Variants in THADA observed in about 807,000 individuals in gnomAD.
THADA encodes the protein tRNA (32-2'-O)-methyltransferase regulator THADA.
THADA carries 213 observed loss-of-function variants against 219.8 expected under a neutral mutation model. That is an observed-to-expected ratio of 0.97 (90% CI 0.87 to 1.09). The LOEUF (loss-of-function observed/expected upper bound fraction) is 1.09. Among genes scored for constraint, THADA ranks in the 50% least tolerant of loss-of-function variants. THADA has a pLI of 0.00. For synonymous variants in THADA, 1,018 were observed against 828.9 expected, an observed-to-expected ratio of 1.23 and a Z score of -3.92; for missense variants, 2,956 against 2,311.3, an observed-to-expected ratio of 1.28 and a Z score of -5.72.
Position 43,574,727 on chromosome 2 carries a change from T to A in THADA, c.1338A>T (p.Arg446=), listed in dbSNP as rs1425604241. 2.5e-6 allele frequency: 4 copies of A among 1,613,910 alleles called. No homozygotes were observed. The African/African-American group carries it at 5.3e-5, about 22-fold the overall frequency. The change falls in exon 11 of 38, where the codon CGA becomes CGT. Residue 446 remains arginine (R), a synonymous_variant. Coordinates refer to ENST00000405975, the MANE Select transcript of THADA (RefSeq NM_022065.5). ...FFVELTESLL[R]LEWHIKGKYT... Reference sequence around the variant, plus strand: ...ACTTTCCTTTAATATGCCATTCCAATCGTAAAAGACTCTCAGTCAATTCCA... The same window carrying A: ...ACTTTCCTTTAATATGCCATTCCAAACGTAAAAGACTCTCAGTCAATTCCA...
rs1031734203 is a variant in THADA at position 43,467,515 on chromosome 2, C to T, written c.3836+17719G>A. Among the ~76,000 whole-genome samples, 64 of 152,234 alleles carry T rather than the reference C, an allele frequency of 4.2e-4. 1 individual carries two copies. The highest frequency in any genetic ancestry group is 3.4e-3 in the Middle Eastern group (1 of 294). On this transcript the variant is annotated intron_variant, in intron 26 of 37. Coordinates refer to ENST00000405975, the MANE Select transcript of THADA (RefSeq NM_022065.5). Reference sequence around the variant, plus strand: ...AATACAATGGAATAATGTTTACCTACCCACACAGCAAATATTTAGGACTGA... The same window carrying T: ...AATACAATGGAATAATGTTTACCTATCCACACAGCAAATATTTAGGACTGA...
At chr2:43,555,348 G>C (rs1279828527) in intron 17 of THADA, among the ~76,000 whole-genome samples, 1 of 151,362 alleles carries the variant, frequency 6.6e-6, no homozygotes, top group African/African-American at 2.4e-5. Context: ...CACCTAGCTT[G>C]TGAATAAAAC....
intron 26 of THADA, among the ~76,000 whole-genome samples, chr2:43,454,240 T>C (rs1451062061): frequency 3.3e-5 from 5 of 152,272 alleles, no homozygotes; most frequent in South Asian, 2.1e-4. Context: ...ACAAGCAATA[T>C]ACAAATAAGT....
intron 31 of THADA, among the ~76,000 whole-genome samples, chr2:43,299,817 A>T (rs1676040770): frequency 6.6e-6 from 1 of 151,992 alleles, no homozygotes; most frequent in African/African-American, 2.4e-5. Flanking sequence ...ACCCAAGGTC[A>T]GGAGCTTGAG....
At chr2:43,378,211 G>C (rs1477010889) in intron 29 of THADA, among the ~76,000 whole-genome samples, 1 of 152,164 alleles carries the variant, frequency 6.6e-6, no homozygotes, top group African/African-American at 2.4e-5. Context: ...AAAATTCCAT[G>C]ACAGAATGAA....
At chr2:43,298,078 C>G (rs868815343) in intron 31 of THADA, among the ~76,000 whole-genome samples, 3 of 80,524 alleles carry the variant, frequency 3.7e-5, no homozygotes, top group African/African-American at 8.7e-5. Context: ...TGCCCGGCCA[C>G]CACCCCGTCT....
chr2:43,298,402 T>G (rs1293113006), intron 31 of THADA, among the ~76,000 whole-genome samples: 4 of 122,408 alleles, frequency 3.3e-5, no homozygotes, highest in Non-Finnish European at 6.6e-5. Flanking sequence ...GAAGGCAGCA[T>G]GCTCGTTAAG....
intron 23 of THADA, among the ~76,000 whole-genome samples, chr2:43,506,303 A>T (rs1319583716): frequency 6.6e-6 from 1 of 152,206 alleles, no homozygotes; most frequent in Non-Finnish European, 1.5e-5. Flanking sequence ...CTATATTTGA[A>T]ATTTTCAGTA....
At chr2:43,535,683 A>AG (rs1430005923) in intron 21 of THADA, among the ~76,000 whole-genome samples, 2 of 151,098 alleles carry the variant, frequency 1.3e-5, no homozygotes, top group Non-Finnish European at 3.0e-5. Flanking sequence ...CTCAAAAAAA[A>AG]AAAAAAAAAA....
chr2:43,499,415 C>T (rs771198179), intron 24 of THADA, among the ~76,000 whole-genome samples: 8 of 152,070 alleles, frequency 5.3e-5, no homozygotes, highest in Non-Finnish European at 1.0e-4. Context: ...TCACTCTTGT[C>T]GCCCAGGCTG....
intron 29 of THADA, among the ~76,000 whole-genome samples, chr2:43,373,807 G>T (rs1671070509): frequency 6.6e-6 from 1 of 152,068 alleles, no homozygotes; most frequent in Admixed American, 6.5e-5. Flanking sequence ...ACTCTCTATT[G>T]GAATACACCA....
Position 43,591,981 on chromosome 2 carries a change from C to A in THADA, c.142G>T (p.Gly48Ter). ...LLLHCVQLTDGVSQIHYIKQI... is the reference protein window; with the variant it reads ...LLLHCVQLTD Reference sequence around the variant, plus strand: ...TTAATATAATGGATTTGTGACACTCCATCCGTGAGTTGCACACAATGTAAC... The same window carrying A: ...TTAATATAATGGATTTGTGACACTCAATCCGTGAGTTGCACACAATGTAAC... The change falls in exon 3 of 38, where the codon GGA (glycine) becomes TGA (stop). Residue 48 changes from glycine to a stop codon, truncating the protein, a stop_gained. Transcript: ENST00000405975. LOFTEE classifies it high-confidence loss of function. 1.3e-6 allele frequency: 2 copies of A among 1,557,224 alleles called. No homozygotes were observed. Among genetic ancestry groups the A allele is most frequent in the Non-Finnish European group, 1.7e-6 (2 of 1,149,366 alleles).
intron 31 of THADA, among the ~76,000 whole-genome samples, chr2:43,299,422 G>T (rs895680999): frequency 2.6e-5 from 4 of 152,158 alleles, no homozygotes; most frequent in African/African-American, 9.7e-5. Flanking sequence ...ACTTTGGGAG[G>T]CCGAGGCGGG....
chr2:43,281,022 G>C (rs1572894939), intron 35 of THADA, among the ~76,000 whole-genome samples: 1 of 152,134 alleles, frequency 6.6e-6, no homozygotes, highest in East Asian at 1.9e-4. Flanking sequence ...GGTGGGCCTG[G>C]GCTTGTGGAG....
chr2:43,441,868 C>T (rs1324213218), intron 26 of THADA, among the ~76,000 whole-genome samples: 2 of 152,072 alleles, frequency 1.3e-5, no homozygotes, highest in African/African-American at 2.4e-5. Flanking sequence ...GTAATGTGAT[C>T]GTATTTTTTT....
chr2:43,514,296 C>A (rs577843486), intron 22 of THADA, among the ~76,000 whole-genome samples: 1 of 147,184 alleles, frequency 6.8e-6, no homozygotes, highest in South Asian at 2.1e-4. Context: ...CAAAAAAATA[C>A]AAAAATTAGC....
intron 31 of THADA, among the ~76,000 whole-genome samples, chr2:43,294,075 G>A (rs925458338): frequency 1.3e-5 from 2 of 152,154 alleles, no homozygotes; most frequent in Non-Finnish European, 2.9e-5. Context: ...TTTGTACTCA[G>A]TACTTAAGCC....
chr2:43,550,385 A>G (rs1696612501), intron 19 of THADA, among the ~76,000 whole-genome samples: 2 of 152,232 alleles, frequency 1.3e-5, no homozygotes, highest in Admixed American at 6.5e-5. Context: ...TCAAAAATAA[A>G]TTTCAACAGC....
intron 28 of THADA, among the ~76,000 whole-genome samples, chr2:43,415,304 G>A (rs567002203): frequency 6.6e-6 from 1 of 152,286 alleles, no homozygotes; most frequent in South Asian, 2.1e-4. Flanking sequence ...CACTGCTTAT[G>A]ACCTGTCAAA....
Sources: allele counts gnomAD v4.1 joint callset (sites outside exome capture counted in the v4.1 genomes callset), GRCh38; gene constraint gnomAD v4.1.1; transcripts MANE v1.5; gene names NCBI Gene and HGNC (gene_info 2026-07-23, HGNC 2026-07-21).